Variants in APC2 observed in about 807,000 individuals in gnomAD.
APC2 encodes APC regulator of Wnt signaling pathway 2, also known as adenomatous polyposis coli protein 2.
In APC2, 41 loss-of-function variants were observed where a neutral mutation model predicts 72.5. The observed-to-expected ratio is 0.57, with a 90% CI of 0.44 to 0.73. The LOEUF is 0.73. APC2 is among the 30% of genes least tolerant of loss of function. The pLI is 0.00. For synonymous variants in APC2, 1,898 were observed against 1,612.0 expected (o/e 1.18, Z -4.25); for missense variants, 3,729 against 3,403.4 (o/e 1.10, Z -2.38).
Position 1,469,606 on chromosome 19 carries a change from T to A in APC2, c.6305T>A (p.Leu2102Gln). 1 of 1,260,726 alleles carries A rather than the reference T, an allele frequency of 7.9e-7. No homozygotes were observed. The highest frequency in any genetic ancestry group is 1.0e-6 in the Non-Finnish European group (1 of 993,870). The allele number at this position is 1,260,726 out of a possible 1,614,324, so 78.1% of individuals were successfully genotyped here. A position where few individuals can be genotyped will look rare whatever the true frequency, so the allele number is the denominator to read the frequency against. The change falls in exon 15 of 15, where the codon CTG (leucine) becomes CAG (glutamine). Residue 2102 changes from leucine to glutamine, a missense_variant. Transcript: ENST00000590469. ...GAGACTGTCAAGCGCTACGCGTCGCTGCCGCACATCAGCGTGGCCCGCAGG... is the reference window on the plus strand; with the variant it reads ...GAGACTGTCAAGCGCTACGCGTCGCAGCCGCACATCAGCGTGGCCCGCAGG... ...RPETVKRYAS[L>Q]PHISVARRPD... is the part of the protein sequence containing the mutation.
chr19:1,461,377 C>T lies in APC2; in HGVS notation c.1638+224C>T, dbSNP rs531343558. ...CTCACTTGAGGTCAGGAGTTCGAGA[C>T]CAGCCTGGCCAACATGGTCAGACCC... is the stretch of plus-strand genomic sequence containing the variant. On this transcript the variant is annotated intron_variant, in intron 13 of 14. Coordinates refer to ENST00000590469, the MANE Select transcript of APC2 (RefSeq NM_005883.3). The T allele has an allele frequency of 2.0e-4, 118 of 584,572 alleles. 1 individual carries two copies. The highest frequency in any genetic ancestry group is 1.9e-3 in the South Asian group (96 of 50,118). 36.2% of individuals were successfully genotyped at this position (584,572 alleles called of 1,614,324 possible).
rs760797630 is a variant in APC2 at position 1,462,060 on chromosome 19, G to A, written c.1736G>A (p.Gly579Asp). ...AAICQVDGAL[G>D]FLVSTLTYKC... ...ATCTGCCAGGTGGATGGCGCCCTGG[G>A]CTTCCTGGTGAGCACCCTGACCTAC... is the stretch of plus-strand genomic sequence containing the variant. Residue 579 changes from glycine (G) to aspartate (D), a missense_variant, in exon 14 of 15, where the codon GGC (glycine) becomes GAC (aspartate). Transcript: ENST00000590469. The A allele has an allele frequency of 1.2e-6, 2 of 1,613,148 alleles. No individual in the cohort carries two copies. The highest frequency in any genetic ancestry group is 3.3e-4 in the Middle Eastern group (2 of 6,062).
chr19:1,450,076 T>G, upstream of APC2: 6 of 935,074 alleles, frequency 6.4e-6, no homozygotes, highest in East Asian at 1.2e-4. Context: ...CGCGCCCTCA[T>G]TGGCTGTCTC....
chr19:1,468,588 G>C lies in APC2; in HGVS notation c.5287G>C (p.Gly1763Arg). 1 of 1,599,462 alleles carries C rather than the reference G, an allele frequency of 6.3e-7. No homozygotes were observed. The highest frequency in any genetic ancestry group is 2.3e-5 in the East Asian group (1 of 44,388). Residue 1763 changes from glycine (G) to arginine (R), a missense_variant, in exon 15 of 15, where the codon GGG becomes CGG. Physicochemically the swap from Gly to Arg is moderately radical, Grantham distance 125. Coordinates refer to ENST00000590469, the MANE Select transcript of APC2 (RefSeq NM_005883.3). ...GGGCGCAGCCTCAGTCAAGACCAGC[G>C]GGAGCCCCCGTTCCCCTGCAGGCCC... ...KRGAASVKTS[G>R]SPRSPAGPEK...
chr19:1,470,151 G>A lies in APC2; in HGVS notation c.6850G>A (p.Ala2284Thr). 3.1e-6 allele frequency: 5 copies of A among 1,604,580 alleles called. No homozygotes were observed. The highest frequency in any genetic ancestry group is 4.2e-6 in the Non-Finnish European group (5 of 1,177,402). ...TGTGCCCAGCCCCATGGTGGTCGCA[G>A]CCACCACCGACTCGGCCGCGGAGAA... ...NYVPSPMVVA[A>T]TTDSAAEKAP... Residue 2284 changes from alanine (A) to threonine (T), a missense_variant, in exon 15 of 15, where the codon GCC becomes ACC. Coordinates refer to ENST00000590469, the MANE Select transcript of APC2 (RefSeq NM_005883.3).
rs1234994755 is a variant in APC2, at chr19:1,465,585, C to G, written c.2284C>G (p.Arg762Gly). 4 of 1,574,910 alleles carry G rather than the reference C, an allele frequency of 2.5e-6. No homozygotes were observed. Among genetic ancestry groups the G allele is most frequent in the Admixed American group, 3.6e-5 (2 of 55,230 alleles). Reference protein sequence around the residue: ...AATKKPLPPLRHLDGLAQDYA... With the variant: ...AATKKPLPPLGHLDGLAQDYA... The stretch of plus-strand genomic sequence containing the variant: ...CACTAAGAAGCCGCTGCCGCCCCTG[C>G]GACACCTGGACGGCCTGGCCCAAGA... Residue 762 changes from arginine to glycine, a missense_variant, in exon 15 of 15, where the codon CGA becomes GGA. Coordinates refer to ENST00000590469, the MANE Select transcript of APC2 (RefSeq NM_005883.3).
intron 10 of APC2, chr19:1,458,595 T>G (rs2083875727): frequency 6.4e-6 from 1 of 156,282 alleles, no homozygotes; most frequent in Admixed American, 6.2e-5. Flanking sequence ...TCCCAGCTAC[T>G]GGGGAGGCTG....
At chr19:1,463,863 C>T (rs1175049198) in intron 14 of APC2, among the ~76,000 whole-genome samples, 1 of 152,094 alleles carries the variant, frequency 6.6e-6, no homozygotes, top group Non-Finnish European at 1.5e-5. Context: ...ATCTCAAATA[C>T]ACATCGGATA....
chr19:1,456,723 C>T, intron 8 of APC2, 130 bp from the exon 9 acceptor site: 1 of 1,202,580 alleles, frequency 8.3e-7, no homozygotes, highest in Non-Finnish European at 1.1e-6. Context: ...CCTAGCGTCC[C>T]CTCATCTGTC....
chr19:1,465,084 T>C, intron 14 of APC2, 71 bp from the exon 15 acceptor site: 2 of 1,518,348 alleles, frequency 1.3e-6, no homozygotes, highest in African/African-American at 1.4e-5. Context: ...CTGCCACATC[T>C]GGCCCCCCCA....
intron 11 of APC2, 22 bp downstream of exon 11, chr19:1,460,342 G>A (rs770468464): frequency 2.5e-6 from 4 of 1,612,990 alleles, no homozygotes; most frequent in Non-Finnish European, 3.4e-6. Context: ...CAGTGGGTGG[G>A]CTGGCACTTT....
intron 4 of APC2, among the ~76,000 whole-genome samples, chr19:1,454,084 T>C (rs1201998199): frequency 6.6e-6 from 1 of 152,086 alleles, no homozygotes; most frequent in Non-Finnish European, 1.5e-5. Context: ...TGGGGTCAGA[T>C]GGGGCCATTG....
In APC2 at chr19:1,473,065, C is replaced by A. The variant is rs1271262503; in HGVS notation, c.*2852C>A. On this transcript the variant is annotated 3_prime_UTR_variant, in exon 15 of 15. Coordinates refer to ENST00000590469, the MANE Select transcript of APC2 (RefSeq NM_005883.3). Reference sequence around the variant, plus strand: ...TGGCGCGCGCCTGGTCTGTCTGATTCCCCTAGCCGCCACCCCACGTTTCTG... The same window carrying A: ...TGGCGCGCGCCTGGTCTGTCTGATTACCCTAGCCGCCACCCCACGTTTCTG... 1 of 152,318 alleles carries A rather than the reference C, an allele frequency of 6.6e-6. No homozygotes were observed. Among genetic ancestry groups the A allele is most frequent in the Non-Finnish European group, 1.5e-5 (1 of 68,088 alleles). The allele number at this position is 152,318 out of a possible 1,614,324, so 9.4% of individuals were successfully genotyped here.
chr19:1,460,836 C>G lies in APC2; in HGVS notation c.1500C>G (p.Ser500=), dbSNP rs34073024. The change falls in exon 12 of 15, where the codon TCC becomes TCG. Residue 500 remains serine (S), a synonymous_variant. Transcript: ENST00000590469. ...AGGCCATCGTGGCCCAGCTGGCCTC[C>G]GACAGTGAGGAGCTCCACCAGGTAC... ...CMEAIVAQLA[S]DSEELHQVVS... The G allele has an allele frequency of 1.2e-6, 2 of 1,613,058 alleles. No individual in the cohort carries two copies. Among genetic ancestry groups the G allele is most frequent in the Non-Finnish European group, 1.7e-6 (2 of 1,179,966 alleles).
At chr19:1,457,691 C>CTGTCTCGTCAGTTTT in intron 9 of APC2, 1 of 548,010 alleles carries the variant, frequency 1.8e-6, no homozygotes, top group East Asian at 3.2e-5. Context: ...GAGCGAGACC[C>CTGTCTCGTCAGTTTT]TGTCTCGTCA....
rs1463779585 is a variant in APC2, at chr19:1,456,295, T to G, written c.718-11T>G. ...GGGACTGTACCCCCGACCCTGGTGC[T>G]CTCCCTGCAGGCCTTGCTGGCGGTG... On this transcript the variant is annotated splice_polypyrimidine_tract_variant and intron_variant, in intron 7 of 14. Coordinates refer to ENST00000590469, the MANE Select transcript of APC2 (RefSeq NM_005883.3). The G allele has an allele frequency of 8.1e-6, 13 of 1,603,444 alleles. No homozygotes were observed. The highest frequency in any genetic ancestry group is 1.1e-5 in the Non-Finnish European group (13 of 1,175,994).
In APC2 at chr19:1,452,899, G is replaced by T; in HGVS notation, c.-18-85G>T. On this transcript the variant is annotated intron_variant, in intron 1 of 14. Coordinates refer to ENST00000590469, the MANE Select transcript of APC2 (RefSeq NM_005883.3). This position sits in a 1 kb window ranked among gnomAD's most constrained non-coding sequence, Gnocchi z 5.1. ...CCCAGGATCAGGCAGGACGGCTGGG[G>T]CTTAGGTCAGGGGCCGTCTGTCCGG... 6.8e-7 allele frequency: 1 copy of T among 1,477,810 alleles called. No homozygotes were observed. The allele number at this position is 1,477,810 out of a possible 1,614,324, so 91.5% of individuals were successfully genotyped here.
Position 1,452,811 on chromosome 19 carries a change from G to C in APC2, c.-18-173G>C. On this transcript the variant is annotated intron_variant, in intron 1 of 14. Coordinates refer to ENST00000590469, the MANE Select transcript of APC2 (RefSeq NM_005883.3). The surrounding 1 kb of genome is among the most constrained non-coding windows in gnomAD (Gnocchi z 5.1). ...TGCCCCTCTGCGCCCCGGATTGCCT[G>C]GCCACCACCACGTGGGCCTGTACTT... The C allele has an allele frequency of 1.3e-6, 1 of 768,416 alleles. No individual in the cohort carries two copies. The highest frequency in any genetic ancestry group is 2.0e-6 in the Non-Finnish European group (1 of 497,292). The allele number at this position is 768,416 out of a possible 1,614,324, so 47.6% of individuals were successfully genotyped here. A position where few individuals can be genotyped will look rare whatever the true frequency, so the allele number is the denominator to read the frequency against.
rs1341801756 is a variant in APC2, at chr19:1,470,126, T to C, written c.6825T>C (p.Tyr2275=). The change falls in exon 15 of 15, where the codon TAT becomes TAC. Residue 2275 remains tyrosine (Y), a synonymous_variant. Transcript: ENST00000590469. ...SRSARVPPFN[Y]VPSPMVVAAT... ...CGGCCCGAGTACCCCCCTTCAACTA[T>C]GTGCCCAGCCCCATGGTGGTCGCAG... 3 of 1,606,116 alleles carry C rather than the reference T, an allele frequency of 1.9e-6. No individual in the cohort carries two copies. The highest frequency in any genetic ancestry group is 2.7e-5 in the African/African-American group (2 of 74,284).
Sources: allele counts gnomAD v4.1 joint callset (sites outside exome capture counted in the v4.1 genomes callset), GRCh38; gene constraint gnomAD v4.1.1; non-coding constraint Gnocchi (gnomAD v3.1); transcripts MANE v1.5; gene names NCBI Gene and HGNC (gene_info 2026-07-23, HGNC 2026-07-21).